ASAP2: variants seen among roughly 807,000 people sequenced by gnomAD.
ASAP2 encodes the protein arf-GAP with SH3 domain, ANK repeat and PH domain-containing protein 2.
Under a neutral mutation model 131.4 loss-of-function variants are expected in ASAP2, and 45 were observed. That is an observed-to-expected ratio of 0.34 (90% CI 0.27 to 0.44). The LOEUF is 0.44. ASAP2 is among the 20% of genes least tolerant of loss of function. The pLI is 1.00. For missense variants in ASAP2, 1,011 were observed against 1,297.0 expected (o/e 0.78, Z 3.39); for synonymous variants, 510 against 503.0 (o/e 1.01, Z -0.19).
At chr2:9,304,496 G>A (rs1450462387) in intron 3 of ASAP2, among the ~76,000 whole-genome samples, 1 of 138,952 alleles carries the variant, frequency 7.2e-6, no homozygotes, top group Non-Finnish European at 1.6e-5. Flanking sequence ...TGTAGGGGGG[G>A]TGTAGATACA....
chr2:9,304,838 T>C lies in ASAP2; in HGVS notation c.345+7393T>C, dbSNP rs1483085082. On this transcript the variant is annotated intron_variant, in intron 3 of 27. Coordinates refer to ENST00000281419, the MANE Select transcript of ASAP2 (RefSeq NM_003887.3). The stretch of plus-strand genomic sequence containing the variant: ...GTGGAGGGGCTGGACGAGTGGGGTG[T>C]AGATATTGGTGGAGGAGGTTGTAAT... 2.8e-5 allele frequency among the ~76,000 whole-genome samples: 4 copies of C among 143,490 alleles called. No homozygotes were observed. The East Asian group carries it at 8.7e-4, about 31-fold the overall frequency. The allele number at this position is 143,490 out of a possible 152,430, so 94.1% of individuals were successfully genotyped here.
chr2:9,226,701 G>A (rs1662793683), intron 1 of ASAP2, among the ~76,000 whole-genome samples: 1 of 152,164 alleles, frequency 6.6e-6, no homozygotes. Flanking sequence ...GGGAGGACTT[G>A]GGAAACAGGT....
chr2:9,317,582 C>G (rs1669844377), intron 3 of ASAP2, among the ~76,000 whole-genome samples: 1 of 150,268 alleles, frequency 6.7e-6, no homozygotes, highest in African/African-American at 2.5e-5. Context: ...ACCCACACAC[C>G]CGTACACAAT....
intron 21 of ASAP2, among the ~76,000 whole-genome samples, chr2:9,386,694 G>A (rs1472504490): frequency 6.6e-6 from 1 of 152,222 alleles, no homozygotes; most frequent in Non-Finnish European, 1.5e-5. Flanking sequence ...GGTCCTGTGA[G>A]GGAGAGGCAG....
intron 7 of ASAP2, among the ~76,000 whole-genome samples, chr2:9,330,144 T>A (rs1017534007): frequency 6.6e-6 from 1 of 152,210 alleles, no homozygotes; most frequent in Non-Finnish European, 1.5e-5. Flanking sequence ...GCTTTGATGA[T>A]GTTGCATTTC....
At position 9,347,068 on chromosome 2, in the gene ASAP2, A is replaced by C. The variant is rs577170041; in HGVS notation, c.1023+2268A>C. Reference sequence around the variant, plus strand: ...CTCTCCAGGGAATCTCCACTTCCAGAGGTCTCCTCCTGCCTTTAGCAGCCA... The same window carrying C: ...CTCTCCAGGGAATCTCCACTTCCAGCGGTCTCCTCCTGCCTTTAGCAGCCA... On this transcript the variant is annotated intron_variant, in intron 11 of 27. Coordinates refer to ENST00000281419, the MANE Select transcript of ASAP2 (RefSeq NM_003887.3). 7.2e-5 allele frequency among the ~76,000 whole-genome samples: 7 copies of C among 97,586 alleles called. No individual in the cohort carries two copies. In the South Asian group the frequency reaches 3.3e-3, roughly 46 times the overall value. The allele number at this position is 97,586 out of a possible 152,430, so 64.0% of individuals were successfully genotyped here. A position where few individuals can be genotyped will look rare whatever the true frequency, so the allele number is the denominator to read the frequency against.
chr2:9,401,886 T>C (rs910412791), intron 27 of ASAP2, among the ~76,000 whole-genome samples: 2 of 152,154 alleles, frequency 1.3e-5, no homozygotes, highest in South Asian at 2.1e-4. Context: ...TTGGGGCAGG[T>C]TGCTTTTATC....
At chr2:9,332,552 C>T (rs1386389554) in intron 7 of ASAP2, among the ~76,000 whole-genome samples, 2 of 152,210 alleles carry the variant, frequency 1.3e-5, no homozygotes, top group African/African-American at 4.8e-5. Flanking sequence ...AGCATCCTGA[C>T]GAGAAGTCTC....
chr2:9,365,502 C>G (rs866640461), intron 15 of ASAP2, among the ~76,000 whole-genome samples: 1 of 152,226 alleles, frequency 6.6e-6, no homozygotes, highest in African/African-American at 2.4e-5. Context: ...ACCCCAAACT[C>G]TCAAAACAAT....
In ASAP2 at chr2:9,232,226, G is replaced by T. The variant is rs1663216776; in HGVS notation, c.126+24996G>T. Among the ~76,000 whole-genome samples, 1 of 151,958 alleles carries T rather than the reference G, an allele frequency of 6.6e-6. No homozygotes were observed. Among genetic ancestry groups the T allele is most frequent in the East Asian group, 1.9e-4 (1 of 5,170 alleles). ...CTCCCTCCCACCCCATCTCATCCAT[G>T]CCTGTCCTCTGTGTCAACACGCCTC... On this transcript the variant is annotated intron_variant, in intron 1 of 27. Transcript: ENST00000281419. This position sits in a 1 kb window ranked among gnomAD's most constrained non-coding sequence, Gnocchi z 4.1.
intron 1 of ASAP2, among the ~76,000 whole-genome samples, chr2:9,228,305 A>G (rs1483564406): frequency 2.6e-5 from 4 of 152,216 alleles, no homozygotes; most frequent in Non-Finnish European, 5.9e-5. Flanking sequence ...CATGGTGAGT[A>G]TTCCAGTTAC....
intron 1 of ASAP2, among the ~76,000 whole-genome samples, chr2:9,242,346 T>C (rs1664034035): frequency 6.6e-6 from 1 of 152,210 alleles, no homozygotes; most frequent in Non-Finnish European, 1.5e-5. Flanking sequence ...GCTTGGTAAA[T>C]GTTTGTTGAA....
chr2:9,279,880 A>ATTTACACATATATATTT lies in ASAP2; in HGVS notation c.199+496_199+512dup, dbSNP rs1553303069. On this transcript the variant is annotated intron_variant, in intron 2 of 27. Coordinates refer to ENST00000281419, the MANE Select transcript of ASAP2 (RefSeq NM_003887.3). The stretch of plus-strand genomic sequence containing the variant: ...ACATACATATTTTTTACACATATAT[A>ATTTACACATATATATTT]TTTACACATATATATTTTTTAAACC... Among the ~76,000 whole-genome samples, 657 of 151,750 alleles carry ATTTACACATATATATTT rather than the reference A, an allele frequency of 4.3e-3. 5 individuals carry two copies. Among genetic ancestry groups the ATTTACACATATATATTT allele is most frequent in the African/African-American group, 0.015 (607 of 41,340 alleles).
At chr2:9,305,590 G>GGTGGA (rs1347140093) in intron 3 of ASAP2, among the ~76,000 whole-genome samples, 18 of 137,304 alleles carry the variant, frequency 1.3e-4, no homozygotes, top group African/African-American at 3.9e-4. Flanking sequence ...TATAGATATT[G>GGTGGA]GAGGGTCTGG....
intron 1 of ASAP2, among the ~76,000 whole-genome samples, chr2:9,266,034 C>T (rs571531845): frequency 2.0e-5 from 3 of 152,230 alleles, no homozygotes; most frequent in African/African-American, 7.2e-5. Flanking sequence ...CACCCCCTGC[C>T]TTGGCCTCCC....
chr2:9,214,832 T>C (rs1278524487), intron 1 of ASAP2, among the ~76,000 whole-genome samples: 2 of 151,372 alleles, frequency 1.3e-5, no homozygotes, highest in Non-Finnish European at 2.9e-5. Flanking sequence ...TAGAAAGCAC[T>C]TAATAGTCTC....
intron 1 of ASAP2, among the ~76,000 whole-genome samples, chr2:9,213,678 C>A (rs1434348976): frequency 6.6e-6 from 1 of 152,130 alleles, no homozygotes; most frequent in Non-Finnish European, 1.5e-5. Context: ...TCCAAACCTA[C>A]TGATGGATTG....
chr2:9,335,717 A>C (rs1322726946), intron 9 of ASAP2, among the ~76,000 whole-genome samples: 1 of 152,252 alleles, frequency 6.6e-6, no homozygotes, highest in Non-Finnish European at 1.5e-5. Flanking sequence ...TCTGTGTGCT[A>C]ACACGTCAGC....
chr2:9,369,304 G>C (rs780023789), intron 16 of ASAP2, among the ~76,000 whole-genome samples: 12 of 152,136 alleles, frequency 7.9e-5, no homozygotes, highest in Non-Finnish European at 1.2e-4. Flanking sequence ...CAGGCGTGAG[G>C]CACCGTGCCT....
Sources: allele counts gnomAD v4.1 joint callset (sites outside exome capture counted in the v4.1 genomes callset), GRCh38; gene constraint gnomAD v4.1.1; non-coding constraint Gnocchi (gnomAD v3.1); transcripts MANE v1.5; gene names NCBI Gene and HGNC (gene_info 2026-07-23, HGNC 2026-07-21).